Variants in GATC observed in about 807,000 individuals in gnomAD.
GATC encodes the protein glutamyl-tRNA(Gln) amidotransferase subunit C, mitochondrial.
In GATC, 11 loss-of-function variants were observed where a neutral mutation model predicts 14.4. That is an observed-to-expected ratio of 0.77 (90% CI 0.48 to 1.27). GATC has a LOEUF of 1.27. Among genes scored for constraint, GATC ranks in the 50% most tolerant of loss-of-function variants. The pLI, the probability that GATC is intolerant of heterozygous loss-of-function variation, is 0.00. For missense variants in GATC, 204 were observed against 183.0 expected (o/e 1.11, Z -0.66); for synonymous variants, 76 against 79.3 (o/e 0.96, Z 0.22).
In GATC at chr12:120,457,125, G is replaced by A; in HGVS notation, c.304G>A (p.Glu102Lys). The part of the protein sequence containing the change: ...DNVVEGNCAD[E>K]LLQNSHRVVE... ...TGTGGTAGAAGGCAACTGTGCTGAT[G>A]AATTACTACAAAACTCCCATCGCGT... is the stretch of plus-strand genomic sequence containing the variant. Residue 102 changes from glutamate to lysine, a missense_variant, in exon 3 of 4, where the codon GAA becomes AAA. Coordinates refer to ENST00000551765, the MANE Select transcript of GATC (RefSeq NM_176818.3). 6.2e-7 allele frequency: 1 copy of A among 1,614,100 alleles called. No homozygotes were observed. Among genetic ancestry groups the A allele is most frequent in the Non-Finnish European group, 8.5e-7 (1 of 1,179,992 alleles).
chr12:120,456,139 A>AT (rs752139157), intron 2 of GATC, among the ~76,000 whole-genome samples: 4 of 152,174 alleles, frequency 2.6e-5, no homozygotes, highest in Admixed American at 6.6e-5. Flanking sequence ...CATATCAGTG[A>AT]TTTAACAGAC....
At chr12:120,450,235 G>A (rs997412591) in intron 2 of GATC, among the ~76,000 whole-genome samples, 1 of 152,180 alleles carries the variant, frequency 6.6e-6, no homozygotes, top group African/African-American at 2.4e-5. Flanking sequence ...TCTCAACCTC[G>A]TATTCAGTGA....
intron 2 of GATC, among the ~76,000 whole-genome samples, chr12:120,454,733 A>G (rs1878134671): frequency 6.6e-6 from 1 of 151,768 alleles, no homozygotes; most frequent in Admixed American, 6.6e-5. Flanking sequence ...ATTTTTTAAT[A>G]CTGTCCAACA....
In GATC at chr12:120,446,444, AC is replaced by A. The variant is rs779378921; in HGVS notation, c.-36del. The A allele has an allele frequency of 8.1e-6, 13 of 1,604,750 alleles. No homozygotes were observed. Among genetic ancestry groups the A allele is most frequent in the Middle Eastern group, 1.7e-4 (1 of 6,030 alleles). On this transcript the variant is annotated 5_prime_UTR_variant, in exon 1 of 4. Transcript: ENST00000551765. The stretch of plus-strand genomic sequence containing the variant: ...ACTCTCAGGCGCGTCGCTCGGCGTT[AC>A]GCGCGGGCGCACTGCGGGGGCCAAG...
Position 120,457,123 on chromosome 12 carries a change from A to G in GATC, c.302A>G (p.Asp101Gly). 1 of 1,614,112 alleles carries G rather than the reference A, an allele frequency of 6.2e-7. No homozygotes were observed. Residue 101 changes from aspartate to glycine, a missense_variant, in exon 3 of 4, where the codon GAT (aspartate) becomes GGT (glycine). Coordinates refer to ENST00000551765, the MANE Select transcript of GATC (RefSeq NM_176818.3). Reference protein sequence around the residue: ...SDNVVEGNCADELLQNSHRVV... With the variant: ...SDNVVEGNCAGELLQNSHRVV... ...AATGTGGTAGAAGGCAACTGTGCTGATGAATTACTACAAAACTCCCATCGC... is the reference window on the plus strand; with the variant it reads ...AATGTGGTAGAAGGCAACTGTGCTGGTGAATTACTACAAAACTCCCATCGC...
chr12:120,459,926 G>A lies in GATC; in HGVS notation c.378G>A (p.Lys126=), dbSNP rs138977587. The stretch of plus-strand genomic sequence containing the variant: ...AAACAGGTAATATCTCTTTGCCAAA[G>A]CTGGATGAACAAGAGCCATTCCCAC... ...VAPPGNISLP[K]LDEQEPFPHS The change falls in exon 4 of 4, where the codon AAG becomes AAA. Residue 126 remains lysine (K), a synonymous_variant. Transcript: ENST00000551765. The A allele has an allele frequency of 1.9e-6, 3 of 1,612,892 alleles. No individual in the cohort carries two copies. The African/African-American group carries it at 4.0e-5, about 22-fold the overall frequency.
chr12:120,446,938 T>G, intron 2 of GATC, 109 bp downstream of exon 2: 1 of 1,099,812 alleles, frequency 9.1e-7, no homozygotes. Context: ...TTAGCAAGAT[T>G]CAGGAACTTG....
intron 2 of GATC, among the ~76,000 whole-genome samples, chr12:120,447,959 T>G (rs146260973): frequency 1.3e-5 from 2 of 152,176 alleles, no homozygotes; most frequent in African/African-American, 4.8e-5. Flanking sequence ...TTTGCCATGT[T>G]CCCCAGGCTT....
Position 120,460,152 on chromosome 12 carries a change from G to T in GATC, c.*193G>T. On this transcript the variant is annotated 3_prime_UTR_variant, in exon 4 of 4. Coordinates refer to ENST00000551765, the MANE Select transcript of GATC (RefSeq NM_176818.3). ...GGCCCCAACAAGGCAGTGAGTTCCT[G>T]ATGCTAACTGAGGTGAAAGAAAAGC... The T allele has an allele frequency of 1.9e-6, 1 of 513,538 alleles. No homozygotes were observed. Among genetic ancestry groups the T allele is most frequent in the South Asian group, 2.3e-5 (1 of 44,182 alleles). 31.8% of individuals were successfully genotyped at this position (513,538 alleles called of 1,614,324 possible).
rs776834305 is a variant in GATC, at chr12:120,446,687, G to C, written c.112G>C (p.Glu38Gln). The change falls in exon 2 of 4, where the codon GAG (glutamate) becomes CAG (glutamine). Residue 38 changes from glutamate (E) to glutamine (Q), a missense_variant. By Grantham distance (29) the Glu-to-Gln change is conservative (BLOSUM62 2). Transcript: ENST00000551765. Reference sequence around the variant, plus strand: ...TGGCCGGATCACGGCTGCGGTGATCGAGCACCTGGAGCGTCTAGCGCTTGT... The same window carrying C: ...TGGCCGGATCACGGCTGCGGTGATCCAGCACCTGGAGCGTCTAGCGCTTGT... ...GSGRITAAVI[E>Q]HLERLALVDF... is the part of the protein sequence containing the mutation. 20 of 1,613,358 alleles carry C rather than the reference G, an allele frequency of 1.2e-5. 1 individual carries two copies. The highest frequency in any genetic ancestry group is 5.0e-5 in the Admixed American group (3 of 59,990).
Position 120,462,916 on chromosome 12 carries a change from C to G in GATC, c.*2957C>G, listed in dbSNP as rs969515519. On this transcript the variant is annotated 3_prime_UTR_variant, in exon 4 of 4. Coordinates refer to ENST00000551765, the MANE Select transcript of GATC (RefSeq NM_176818.3). Reference sequence around the variant, plus strand: ...CCTGCTTTGCAGTATAACTGAGGATCAGGTGCTGTTCTGTTTCTGCTTCAA... The same window carrying G: ...CCTGCTTTGCAGTATAACTGAGGATGAGGTGCTGTTCTGTTTCTGCTTCAA... 5.9e-5 allele frequency: 9 copies of G among 152,198 alleles called. No individual in the cohort carries two copies. Among genetic ancestry groups the G allele is most frequent in the African/African-American group, 2.2e-4 (9 of 41,446 alleles). 9.4% of individuals were successfully genotyped at this position (152,198 alleles called of 1,614,324 possible).
At chr12:120,455,671 T>C (rs1012872575) in intron 2 of GATC, among the ~76,000 whole-genome samples, 1 of 151,858 alleles carries the variant, frequency 6.6e-6, no homozygotes, top group African/African-American at 2.4e-5. Flanking sequence ...CCTAAAATAA[T>C]CTTATTGTGA....
intron 2 of GATC, among the ~76,000 whole-genome samples, chr12:120,449,826 G>A (rs948743150): frequency 2.0e-5 from 3 of 151,680 alleles, no homozygotes; most frequent in African/African-American, 4.8e-5. Flanking sequence ...GCAATGGCGC[G>A]ATCTCAGCTC....
At chr12:120,450,429 A>C (rs1175205692) in intron 2 of GATC, 1 of 152,214 alleles carries the variant, frequency 6.6e-6, no homozygotes, top group African/African-American at 2.4e-5. Flanking sequence ...GTATTTGATG[A>C]TCAGCAGTTA....
chr12:120,455,763 G>A (rs897704390), intron 2 of GATC, among the ~76,000 whole-genome samples: 14 of 151,934 alleles, frequency 9.2e-5, no homozygotes, highest in African/African-American at 3.4e-4. Flanking sequence ...TCGGCTCACT[G>A]CAAGCTCCGC....
chr12:120,451,826 G>GTTAAACATGTAAAAACATGTAAAACAT (rs1878054049), intron 2 of GATC, among the ~76,000 whole-genome samples: 1 of 150,478 alleles, frequency 6.6e-6, no homozygotes, highest in Non-Finnish European at 1.5e-5. Flanking sequence ...TTTGGTTTGA[G>GTTAAACATGTAAAAACATGTAAAACAT]GTAAAAACAG....
rs952249680 is a variant in GATC, at chr12:120,462,667, G to T, written c.*2708G>T. 1 of 152,404 alleles carries T rather than the reference G, an allele frequency of 6.6e-6. No individual in the cohort carries two copies. The highest frequency in any genetic ancestry group is 1.5e-5 in the Non-Finnish European group (1 of 68,194). The allele number at this position is 152,404 out of a possible 1,614,324, so 9.4% of individuals were successfully genotyped here. On this transcript the variant is annotated 3_prime_UTR_variant, in exon 4 of 4. Coordinates refer to ENST00000551765, the MANE Select transcript of GATC (RefSeq NM_176818.3). The stretch of plus-strand genomic sequence containing the variant: ...TAGATTCCTGGCAAGTCTTGTGATG[G>T]TGCTATTATGTGACCATTTTGCCCA...
intron 3 of GATC, among the ~76,000 whole-genome samples, chr12:120,458,914 G>C (rs529627225): frequency 1.2e-4 from 18 of 152,332 alleles, no homozygotes; most frequent in African/African-American, 3.8e-4. Flanking sequence ...AAGCTGGAGT[G>C]CAGTGGCGCG....
In GATC at chr12:120,463,582, C is replaced by T. The variant is rs1878413852; in HGVS notation, c.*3623C>T. On this transcript the variant is annotated 3_prime_UTR_variant, in exon 4 of 4. Transcript: ENST00000551765. Reference sequence around the variant, plus strand: ...CTGACCTGTAGAGCTCAGCCTGGACCCACAGGAGGGGTAGTTGAGTTCACA... The same window carrying T: ...CTGACCTGTAGAGCTCAGCCTGGACTCACAGGAGGGGTAGTTGAGTTCACA... 1 of 166,012 alleles carries T rather than the reference C, an allele frequency of 6.0e-6. No individual in the cohort carries two copies. The allele number at this position is 166,012 out of a possible 1,614,324, so 10.3% of individuals were successfully genotyped here.
Sources: gnomAD v4.1 joint callset for allele counts (sites outside exome capture counted in the v4.1 genomes callset) on GRCh38, gnomAD v4.1.1 for gene constraint, MANE v1.5 for transcripts, NCBI Gene and HGNC (gene_info 2026-07-23, HGNC 2026-07-21) for gene names.